The following TNS1 variants were observed in gnomAD, a reference collection of about 807,000 sequenced individuals.
TNS1 encodes the protein tensin 1.
TNS1 carries 62 observed loss-of-function variants against 168.6 expected under a neutral mutation model. The observed-to-expected ratio is 0.37, with a 90% CI of 0.30 to 0.45. The LOEUF is 0.45. TNS1 is among the 20% of genes least tolerant of loss of function. The pLI is 1.00. For synonymous variants in TNS1, 934 were observed against 933.2 expected (o/e 1.00, Z -0.02); for missense variants, 2,240 against 2,339.4 (o/e 0.96, Z 0.88).
chr2:217,905,503 G>A (rs1344664350), intron 6 of TNS1: 2 of 307,330 alleles, frequency 6.5e-6, no homozygotes, highest in East Asian at 1.1e-4. Context: ...TCCCTCCAGG[G>A]CCCTCCCCAC....
intron 3 of TNS1, among the ~76,000 whole-genome samples, chr2:217,975,803 A>G (rs1957880098): frequency 6.6e-6 from 1 of 151,798 alleles, no homozygotes; most frequent in East Asian, 1.9e-4. Context: ...GCCCCTCCTC[A>G]CTGCTTTTCT....
At chr2:217,917,663 T>A (rs887473945) in intron 4 of TNS1, among the ~76,000 whole-genome samples, 1 of 151,752 alleles carries the variant, frequency 6.6e-6, no homozygotes. Flanking sequence ...AAACCCCATC[T>A]CTACTAAAAA....
chr2:217,804,407 C>T lies in TNS1; in HGVS notation c.*52G>A. On this transcript the variant is annotated 3_prime_UTR_variant, in exon 33 of 33. Coordinates refer to ENST00000682258, the MANE Select transcript of TNS1 (RefSeq NM_001387777.1). ...AAGAGTGGTCAGGATTCATGGGTCC[C>T]CTCCCCACAAGCCCCTTCCCCATGG... 2 of 1,607,044 alleles carry T rather than the reference C, an allele frequency of 1.2e-6. No homozygotes were observed. The highest frequency in any genetic ancestry group is 3.4e-5 in the Admixed American group (2 of 59,256).
chr2:217,848,884 C>T lies in TNS1; in HGVS notation c.1633G>A (p.Glu545Lys), dbSNP rs1354496737. ...TASTKTDKTD[E>K]PVPGASSATA... is the part of the protein sequence containing the mutation. ...GCACTGGAGGCCCCGGGGACAGGCT[C>T]GTCGGTCTTGTCGGTCTTGGTGGAG... The change falls in exon 19 of 33, where the codon GAG becomes AAG. Residue 545 changes from glutamate (E) to lysine (K), a missense_variant. Coordinates refer to ENST00000682258, the MANE Select transcript of TNS1 (RefSeq NM_001387777.1). 4.3e-6 allele frequency: 7 copies of T among 1,613,982 alleles called. No homozygotes were observed. The African/African-American group carries it at 5.3e-5, about 12-fold the overall frequency.
intron 1 of TNS1, among the ~76,000 whole-genome samples, chr2:218,020,444 C>T (rs751269013): frequency 6.6e-5 from 10 of 151,780 alleles, no homozygotes; most frequent in South Asian, 2.1e-4. Flanking sequence ...TTCTGGGAGC[C>T]GGGGAGTGAC....
intron 4 of TNS1, among the ~76,000 whole-genome samples, chr2:217,910,713 TACACACACACACACAC>T (rs10554233): frequency 7.6e-4 from 81 of 106,842 alleles, no homozygotes; most frequent in East Asian, 5.6e-3. Context: ...CACATACACA[TACACACACACACACAC>T]ACACACACAC....
chr2:217,811,731 C>T (rs1940948973), intron 28 of TNS1, among the ~76,000 whole-genome samples: 2 of 152,150 alleles, frequency 1.3e-5, no homozygotes, highest in African/African-American at 2.4e-5. Context: ...GGCTGATGCG[C>T]CTCCATGAGA....
intron 3 of TNS1, 105 bp downstream of exon 3, chr2:217,978,660 G>A (rs966326027): frequency 1.7e-6 from 1 of 575,760 alleles, no homozygotes; most frequent in Non-Finnish European, 3.2e-6. Flanking sequence ...GAGGAGGGAC[G>A]CCCCGGGCAC....
chr2:218,013,349 C>G (rs1958726407), upstream of TNS1, among the ~76,000 whole-genome samples: 2 of 152,264 alleles, frequency 1.3e-5, no homozygotes, highest in Middle Eastern at 3.4e-3. Context: ...CAAAGCTCCC[C>G]ACAGTGGACC....
At chr2:217,851,987 T>C (rs1169541900) in intron 18 of TNS1, among the ~76,000 whole-genome samples, 1 of 151,714 alleles carries the variant, frequency 6.6e-6, no homozygotes, top group Non-Finnish European at 1.5e-5. Context: ...CTACTAAAAA[T>C]ACAAAAAATT....
At chr2:217,994,405 G>C (rs944524665) in intron 1 of TNS1, among the ~76,000 whole-genome samples, 2 of 152,024 alleles carry the variant, frequency 1.3e-5, no homozygotes, top group Admixed American at 1.3e-4. Context: ...TCTGGGGGAG[G>C]CAGAAAGGAA....
At chr2:217,987,369 G>A (rs1172344672) in intron 2 of TNS1, among the ~76,000 whole-genome samples, 2 of 152,256 alleles carry the variant, frequency 1.3e-5, no homozygotes, top group East Asian at 1.9e-4. Flanking sequence ...TATGACGCCC[G>A]CATGTCCACC....
intron 18 of TNS1, among the ~76,000 whole-genome samples, chr2:217,878,837 C>T (rs546058464): frequency 6.6e-6 from 1 of 152,364 alleles, no homozygotes; most frequent in South Asian, 2.1e-4. Flanking sequence ...TACTAACTGC[C>T]TCTCATGAAG....
In TNS1 at chr2:217,835,417, A is replaced by G. The variant is rs571676333; in HGVS notation, c.3205-251T>C. Reference sequence around the variant, plus strand: ...ATAGGCCAGTACACTCGCTCCCTCAATGTGGCCCATGGACCACCTACATCT... The same window carrying G: ...ATAGGCCAGTACACTCGCTCCCTCAGTGTGGCCCATGGACCACCTACATCT... On this transcript the variant is annotated intron_variant, in intron 20 of 32. Transcript: ENST00000682258. Among the ~76,000 whole-genome samples the G allele has an allele frequency of 2.0e-5, 3 of 152,300 alleles. No individual in the cohort carries two copies. The South Asian group carries it at 6.2e-4, about 32-fold the overall frequency.
At chr2:217,838,783 G>A (rs1407249684) in intron 19 of TNS1, among the ~76,000 whole-genome samples, 2 of 152,212 alleles carry the variant, frequency 1.3e-5, no homozygotes, top group Non-Finnish European at 2.9e-5. Context: ...GCGTGGCAGA[G>A]GGGAGAGAAG....
intron 16 of TNS1, 128 bp downstream of exon 16, chr2:217,884,907 A>G (rs1951044382): frequency 2.5e-6 from 3 of 1,215,968 alleles, no homozygotes; most frequent in Admixed American, 2.4e-5. Flanking sequence ...CTCTCCTACC[A>G]TCACCCTGAG....
At chr2:218,002,355 ACT>A (rs1212925624) in intron 1 of TNS1, among the ~76,000 whole-genome samples, 1 of 151,990 alleles carries the variant, frequency 6.6e-6, no homozygotes, top group Non-Finnish European at 1.5e-5. Flanking sequence ...AAAGGGATGG[ACT>A]CTGAGAATTC....
intron 1 of TNS1, among the ~76,000 whole-genome samples, chr2:218,026,316 G>A (rs1212763630): frequency 6.6e-6 from 1 of 152,160 alleles, no homozygotes; most frequent in African/African-American, 2.4e-5. Flanking sequence ...TAACACAGAT[G>A]CCAGCCATCC....
chr2:217,809,412 GATGC>G (rs1940177605), intron 30 of TNS1, among the ~76,000 whole-genome samples: 1 of 126,304 alleles, frequency 7.9e-6, no homozygotes, highest in African/African-American at 3.0e-5. Context: ...TGGATGGATG[GATGC>G]ATGGATGGAT....
Sources: allele counts gnomAD v4.1 joint callset (sites outside exome capture counted in the v4.1 genomes callset), GRCh38; gene constraint gnomAD v4.1.1; transcripts MANE v1.5; gene names NCBI Gene and HGNC (gene_info 2026-07-23, HGNC 2026-07-21).